The following ELAC1 variants were observed in gnomAD, a reference collection of about 807,000 sequenced individuals.
ELAC1 encodes elaC ribonuclease Z 1.
A neutral mutation model predicts 25.8 loss-of-function variants in ELAC1; 19 were observed. The ratio of observed to expected loss-of-function variants is 0.74; its 90% CI spans 0.51 to 1.08. The LOEUF (loss-of-function observed/expected upper bound fraction) is 1.08, where lower values mean the gene tolerates loss of function less well. ELAC1 is among the 50% of genes least tolerant of loss of function. ELAC1 has a pLI of 0.00. For missense variants in ELAC1, 403 were observed against 434.6 expected, an observed-to-expected ratio of 0.93 and a Z score of 0.65; for synonymous variants, 148 against 160.9, an observed-to-expected ratio of 0.92 and a Z score of 0.61.
rs1162511359 is a variant in ELAC1, at chr18:50,970,595, TG to T, written c.-9+2486del. 3.3e-5 allele frequency among the ~76,000 whole-genome samples: 5 copies of T among 150,976 alleles called. No individual in the cohort carries two copies. The East Asian group carries it at 7.8e-4, about 24-fold the overall frequency. ...GATGCACCACCTTATGTATGAGGGT[TG>T]GGGGCAGGAAATATGGGGAGGGGCT... On this transcript the variant is annotated intron_variant, in intron 1 of 3. Coordinates refer to ENST00000269466, the MANE Select transcript of ELAC1 (RefSeq NM_018696.3).
chr18:50,975,061 G>A (rs112695696), intron 2 of ELAC1, among the ~76,000 whole-genome samples: 5,924 of 152,210 alleles, frequency 0.039, 256 homozygotes, highest in African/African-American at 0.11. Context: ...CAATCAGGGG[G>A]AATGGAGTGA....
chr18:50,976,905 A>C (rs1042877564), intron 2 of ELAC1, among the ~76,000 whole-genome samples: 1 of 152,258 alleles, frequency 6.6e-6, no homozygotes. Flanking sequence ...GAAATTGGCC[A>C]AAACAAAGGG....
Position 50,984,209 on chromosome 18 carries a change from A to G in ELAC1, c.271A>G (p.Ile91Val), listed in dbSNP as rs756434077. The change falls in exon 3 of 4, where the codon ATT becomes GTT. Residue 91 changes from isoleucine to valine, a missense_variant. By Grantham distance (29) the Ile-to-Val change is conservative. Transcript: ENST00000269466. ...TGGCTCCATGGTGTCCAAACAGCCTATTGAAATCTATGGCCCTGTAGGGCT... is the reference window on the plus strand; with the variant it reads ...TGGCTCCATGGTGTCCAAACAGCCTGTTGAAATCTATGGCCCTGTAGGGCT... ...QSGSMVSKQP[I>V]EIYGPVGLRD... 1.8e-5 allele frequency: 29 copies of G among 1,614,022 alleles called. No individual in the cohort carries two copies. Among genetic ancestry groups the G allele is most frequent in the Non-Finnish European group, 2.4e-5 (28 of 1,180,026 alleles).
chr18:50,975,363 A>C (rs750529923), intron 2 of ELAC1, among the ~76,000 whole-genome samples: 1 of 152,054 alleles, frequency 6.6e-6, no homozygotes, highest in Non-Finnish European at 1.5e-5. Flanking sequence ...TCCTGGATTA[A>C]GTAGTTCCTC....
chr18:50,978,693 T>C (rs1907860437), intron 2 of ELAC1, among the ~76,000 whole-genome samples: 1 of 152,090 alleles, frequency 6.6e-6, no homozygotes. Context: ...GATATTGAAG[T>C]ATAGAGATGG....
intron 2 of ELAC1, among the ~76,000 whole-genome samples, chr18:50,976,635 A>G (rs766618930): frequency 6.6e-6 from 1 of 152,172 alleles, no homozygotes; most frequent in Non-Finnish European, 1.5e-5. Flanking sequence ...TGGGTGGGAC[A>G]TAGCTAAACC....
Position 50,986,695 on chromosome 18 carries a change from TC to T in ELAC1, c.706del (p.Gln236LysfsTer4). ...VVLENGVTIS[P>X]QDVLKKPIVG... The stretch of plus-strand genomic sequence containing the variant: ...TTCTGGAAAATGGGGTTACAATTTC[TC>T]CCCAAGATGTCTTAAAAAAGCCTAT... On this transcript the variant is annotated frameshift_variant, in exon 4 of 4. Transcript: ENST00000269466. LOFTEE classifies it high-confidence loss of function. 1 of 1,614,140 alleles carries T rather than the reference TC, an allele frequency of 6.2e-7. No individual in the cohort carries two copies. Among genetic ancestry groups the T allele is most frequent in the Non-Finnish European group, 8.5e-7 (1 of 1,180,004 alleles).
chr18:50,971,332 C>T (rs1027625152), intron 1 of ELAC1, among the ~76,000 whole-genome samples: 14 of 152,158 alleles, frequency 9.2e-5, no homozygotes, highest in African/African-American at 3.4e-4. Context: ...CTGGTTAGCA[C>T]TGACTAGCAT....
intron 1 of ELAC1, among the ~76,000 whole-genome samples, chr18:50,971,938 A>G (rs1436632414): frequency 7.2e-6 from 1 of 138,926 alleles, no homozygotes; most frequent in Non-Finnish European, 1.6e-5. Context: ...ATATATATAT[A>G]TATATCCTTT....
Position 50,987,181 on chromosome 18 carries a change from T to A in ELAC1, c.*96T>A. On this transcript the variant is annotated 3_prime_UTR_variant, in exon 4 of 4. Transcript: ENST00000269466. ...TTTCTTGTTTTAGTCTGAAATTATT[T>A]GGGCCCTAATAATCCTAAAAAGAAT... The A allele has an allele frequency of 3.2e-6, 3 of 934,848 alleles. No homozygotes were observed. The highest frequency in any genetic ancestry group is 4.5e-6 in the Non-Finnish European group (3 of 670,050). 57.9% of individuals were successfully genotyped at this position (934,848 alleles called of 1,614,324 possible).
At chr18:50,975,404 T>A (rs1464089856) in intron 2 of ELAC1, among the ~76,000 whole-genome samples, 1 of 151,994 alleles carries the variant, frequency 6.6e-6, no homozygotes, top group Non-Finnish European at 1.5e-5. Context: ...TACTTTGTCC[T>A]ATTTTTATTG....
At chr18:50,984,002 T>G (rs545274074) in intron 2 of ELAC1, 94 bp from the exon 3 acceptor site, 39 of 709,394 alleles carry the variant, frequency 5.5e-5, no homozygotes, top group Non-Finnish European at 8.2e-5. Context: ...TTTACTATTT[T>G]TAATGTAAAT....
intron 1 of ELAC1, among the ~76,000 whole-genome samples, chr18:50,973,012 C>A (rs1412712878): frequency 6.6e-6 from 1 of 152,180 alleles, no homozygotes; most frequent in Non-Finnish European, 1.5e-5. Context: ...TCTGTGATAT[C>A]AAGTCATCCT....
intron 3 of ELAC1, among the ~76,000 whole-genome samples, chr18:50,985,947 C>T (rs984834370): frequency 1.3e-5 from 2 of 151,482 alleles, no homozygotes; most frequent in Non-Finnish European, 2.9e-5. Flanking sequence ...ACAAACAATC[C>T]TGCTAACAAT....
At chr18:50,976,221 T>C (rs1907793362) in intron 2 of ELAC1, among the ~76,000 whole-genome samples, 1 of 152,148 alleles carries the variant, frequency 6.6e-6, no homozygotes, top group South Asian at 2.1e-4. Context: ...TGATGGCACA[T>C]GTATTGGGAG....
At chr18:50,982,077 C>G (rs956308478) in intron 2 of ELAC1, among the ~76,000 whole-genome samples, 1 of 152,064 alleles carries the variant, frequency 6.6e-6, no homozygotes, top group Non-Finnish European at 1.5e-5. Context: ...AACTCCCAAC[C>G]TCAGGTGATC....
rs535221839 is a variant in ELAC1 at position 50,973,523 on chromosome 18, T to G, written c.-8-874T>G. 2.0e-4 allele frequency among the ~76,000 whole-genome samples: 30 copies of G among 152,304 alleles called. 2 individuals are homozygous for G. Among genetic ancestry groups the G allele is most frequent in the Admixed American group, 2.0e-3 (30 of 15,294 alleles). Reference sequence around the variant, plus strand: ...TAGGGAGTGAGACATTTGTTCAGCATTATTGTGAAATATCAGCATGACTAT... The same window carrying G: ...TAGGGAGTGAGACATTTGTTCAGCAGTATTGTGAAATATCAGCATGACTAT... On this transcript the variant is annotated intron_variant, in intron 1 of 3. Transcript: ENST00000269466.
At chr18:50,972,700 C>G (rs1014178598) in intron 1 of ELAC1, among the ~76,000 whole-genome samples, 2 of 152,184 alleles carry the variant, frequency 1.3e-5, no homozygotes, top group Non-Finnish European at 1.5e-5. Flanking sequence ...CCAGGCTGCT[C>G]TCAAACTCCT....
chr18:50,969,197 G>T (rs1478096002), intron 1 of ELAC1: 1 of 152,166 alleles, frequency 6.6e-6, no homozygotes, highest in Non-Finnish European at 1.5e-5. Flanking sequence ...ATCTACACAC[G>T]TTATATTTGG....
Sources: gnomAD v4.1 joint callset for allele counts (sites outside exome capture counted in the v4.1 genomes callset) on GRCh38, gnomAD v4.1.1 for gene constraint, MANE v1.5 for transcripts, NCBI Gene and HGNC (gene_info 2026-07-23, HGNC 2026-07-21) for gene names.